ODAD3: variants seen among roughly 807,000 people sequenced by gnomAD.
ODAD3 encodes outer dynein arm-docking complex subunit 3.
A neutral mutation model predicts 70.9 loss-of-function variants in ODAD3; 57 were observed. The observed-to-expected ratio is 0.80, with a 90% confidence interval of 0.65 to 1.00. The LOEUF (loss-of-function observed/expected upper bound fraction) is 1.00. ODAD3 is among the 50% of genes least tolerant of loss of function. The probability of loss-of-function intolerance (pLI) is 0.00; values close to 1 mark genes in which losing one functional copy is unlikely to be tolerated. For missense variants in ODAD3, 797 were observed against 763.9 expected (o/e 1.04, Z -0.51); for synonymous variants, 327 against 315.9 (o/e 1.04, Z -0.37).
chr19:11,422,246 G>A lies in ODAD3; in HGVS notation c.1434+225C>T, dbSNP rs1312427716. 4.6e-5 allele frequency among the ~76,000 whole-genome samples: 7 copies of A among 151,884 alleles called. No individual in the cohort carries two copies. The highest frequency in any genetic ancestry group is 1.7e-4 in the African/African-American group (7 of 41,342). ...CTTGAGACGGGACAGGGTCTCTGACGTCTTGGGCTTCCTTGGGGAGTGAGA... is the reference window on the plus strand; with the variant it reads ...CTTGAGACGGGACAGGGTCTCTGACATCTTGGGCTTCCTTGGGGAGTGAGA... On this transcript the variant is annotated intron_variant, in intron 10 of 12. Transcript: ENST00000356392. This position sits in a 1 kb window ranked among gnomAD's most constrained non-coding sequence, Gnocchi z 4.6.
intron 8 of ODAD3, 36 bp downstream of exon 8, chr19:11,423,841 G>T (rs758783041): frequency 0.012 from 15,598 of 1,252,888 alleles, 110 homozygotes; most frequent in Non-Finnish European, 0.016. Context: ...GGGGTGGGGG[G>T]GGGGCGCGGC....
chr19:11,427,582 A>G (rs1969411998), intron 3 of ODAD3, among the ~76,000 whole-genome samples: 1 of 150,730 alleles, frequency 6.6e-6, no homozygotes, highest in Non-Finnish European at 1.5e-5. Flanking sequence ...CCTAGGTTCA[A>G]GCAATTCTCC....
intron 4 of ODAD3, 34 bp from the exon 5 acceptor site, chr19:11,426,818 C>T: frequency 6.2e-7 from 1 of 1,613,282 alleles, no homozygotes; most frequent in Non-Finnish European, 8.5e-7. Context: ...GAGGGCCCTC[C>T]GCACTCAATC....
intron 12 of ODAD3, 64 bp from the exon 13 acceptor site, chr19:11,421,011 C>T (rs1969118831): frequency 5.7e-6 from 9 of 1,583,988 alleles, no homozygotes; most frequent in South Asian, 1.1e-5. Context: ...CCTGGCTCCC[C>T]TTCCCTTTAC....
At chr19:11,433,110 A>G (rs1336304967) in intron 1 of ODAD3, among the ~76,000 whole-genome samples, 2 of 152,118 alleles carry the variant, frequency 1.3e-5, no homozygotes, top group Non-Finnish European at 2.9e-5. Flanking sequence ...ACCTCTTAAT[A>G]ATATCAACAA....
intron 1 of ODAD3, among the ~76,000 whole-genome samples, chr19:11,433,859 C>T (rs2144786259): frequency 6.6e-6 from 1 of 151,876 alleles, no homozygotes; most frequent in South Asian, 2.1e-4. Context: ...CCTAGGAGGT[C>T]AAGTCTGCAG....
intron 7 of ODAD3, among the ~76,000 whole-genome samples, chr19:11,425,849 G>A (rs948823625): frequency 6.6e-6 from 1 of 151,492 alleles, no homozygotes; most frequent in African/African-American, 2.4e-5. Flanking sequence ...GTCAGATTCA[G>A]GACAGGCAGT....
chr19:11,424,505 GTATATA>G (rs1568347989), intron 7 of ODAD3, among the ~76,000 whole-genome samples: 23 of 140,216 alleles, frequency 1.6e-4, no homozygotes, highest in African/African-American at 6.2e-4. Context: ...ATATATATAT[GTATATA>G]TGTATATATA....
At position 11,425,583 on chromosome 19, in the gene ODAD3, G is replaced by GCATA. The variant is rs1568350450; in HGVS notation, c.963+560_963+561insTATG. ...TATATGTGTGTATGTATGTATATAT[G>GCATA]TATGTATATGTGTATATATGTGTGT... On this transcript the variant is annotated intron_variant, in intron 7 of 12. Transcript: ENST00000356392. Among the ~76,000 whole-genome samples the GCATA allele has an allele frequency of 3.1e-5, 4 of 128,776 alleles. 1 individual carries two copies. Among genetic ancestry groups the GCATA allele is most frequent in the African/African-American group, 1.2e-4 (3 of 24,202 alleles). 84.5% of individuals were successfully genotyped at this position (128,776 alleles called of 152,430 possible).
At chr19:11,426,004 G>A (rs1364807811) in intron 7 of ODAD3, 140 bp downstream of exon 7, 5 of 1,174,960 alleles carry the variant, frequency 4.3e-6, no homozygotes, top group Non-Finnish European at 5.8e-6. Flanking sequence ...TTCGCACCAA[G>A]TGGGGGTGGA....
Position 11,425,483 on chromosome 19 carries a change from GTATATA to G in ODAD3, c.963+655_963+660del, listed in dbSNP as rs1204966560. ...TGTGTGTATATATGTATATATGTGT[GTATATA>G]TGTATATATGTATATATGTGTGTAT... is the stretch of plus-strand genomic sequence containing the variant. On this transcript the variant is annotated intron_variant, in intron 7 of 12. Transcript: ENST00000356392. Among the ~76,000 whole-genome samples the G allele has an allele frequency of 1.2e-4, 15 of 123,002 alleles. 1 individual carries two copies. Among genetic ancestry groups the G allele is most frequent in the South Asian group, 2.5e-4 (1 of 4,022 alleles). 80.7% of individuals were successfully genotyped at this position (123,002 alleles called of 152,430 possible).
chr19:11,427,299 C>CGT (rs1969402826), intron 3 of ODAD3, among the ~76,000 whole-genome samples: 1 of 150,580 alleles, frequency 6.6e-6, no homozygotes, highest in African/African-American at 2.4e-5. Context: ...TTCTTTCTTT[C>CGT]GTTTTTTTTT....
At chr19:11,427,132 C>T (rs1969398117) in intron 3 of ODAD3, 92 bp from the exon 4 acceptor site, 6 of 1,357,048 alleles carry the variant, frequency 4.4e-6, no homozygotes, top group Non-Finnish European at 4.9e-6. Context: ...CACACTGTGG[C>T]TTCCAGGACT....
chr19:11,431,907 C>T (rs553659918), intron 1 of ODAD3, among the ~76,000 whole-genome samples: 23 of 145,708 alleles, frequency 1.6e-4, no homozygotes, highest in African/African-American at 4.9e-4. Context: ...CGCACCACTG[C>T]ACTCCAGCCT....
chr19:11,422,415 C>T lies in ODAD3; in HGVS notation c.1434+56G>A. 1 of 1,469,236 alleles carries T rather than the reference C, an allele frequency of 6.8e-7. No homozygotes were observed. Among genetic ancestry groups the T allele is most frequent in the Non-Finnish European group, 9.0e-7 (1 of 1,106,460 alleles). 91.0% of individuals were successfully genotyped at this position (1,469,236 alleles called of 1,614,324 possible). On this transcript the variant is annotated intron_variant, in intron 10 of 12. Coordinates refer to ENST00000356392, the MANE Select transcript of ODAD3 (RefSeq NM_145045.5). This position sits in a 1 kb window ranked among gnomAD's most constrained non-coding sequence, Gnocchi z 4.6. ...GTGTGGCAGGAACCCCGCTTCGTGGCTGCGCCTCTGCGGTCCCAGGAGGGC... is the reference window on the plus strand; with the variant it reads ...GTGTGGCAGGAACCCCGCTTCGTGGTTGCGCCTCTGCGGTCCCAGGAGGGC...
chr19:11,422,870 C>T lies in ODAD3; in HGVS notation c.1117-9G>A. The T allele has an allele frequency of 6.2e-7, 1 of 1,600,506 alleles. No homozygotes were observed. The highest frequency in any genetic ancestry group is 2.2e-5 in the East Asian group (1 of 44,862). On this transcript the variant is annotated splice_polypyrimidine_tract_variant and intron_variant, in intron 8 of 12. Transcript: ENST00000356392. This position sits in a 1 kb window ranked among gnomAD's most constrained non-coding sequence, Gnocchi z 4.6. ...AACCGCCGCACCAACGACTGCGGGC[C>T]ACCCAGCCCCAGTCAGAGCCAGGGC...
rs1491550047 is a variant in ODAD3, at chr19:11,425,109, ATG to A, written c.963+1033_963+1034del. Among the ~76,000 whole-genome samples the A allele has an allele frequency of 6.7e-5, 9 of 134,948 alleles. 1 individual carries two copies. The highest frequency in any genetic ancestry group is 2.8e-4 in the Admixed American group (4 of 14,122). The allele number at this position is 134,948 out of a possible 152,430, so 88.5% of individuals were successfully genotyped here. Reference sequence around the variant, plus strand: ...TGTACATATGTGTATATATGTATATATGTGTATATGTACATATGTGTATATGT... The same window carrying A: ...TGTACATATGTGTATATATGTATATATGTATATGTACATATGTGTATATGT... On this transcript the variant is annotated intron_variant, in intron 7 of 12. Coordinates refer to ENST00000356392, the MANE Select transcript of ODAD3 (RefSeq NM_145045.5).
chr19:11,434,222 AAAAC>A (rs1969581725), intron 1 of ODAD3, among the ~76,000 whole-genome samples: 10 of 147,578 alleles, frequency 6.8e-5, no homozygotes, highest in African/African-American at 2.3e-4. Flanking sequence ...CAAAAAACAA[AAAAC>A]AAAACAAAAA....
At chr19:11,435,528 T>C, upstream of ODAD3, 2 of 484,256 alleles carry the variant, frequency 4.1e-6, no homozygotes, top group South Asian at 1.8e-5. Flanking sequence ...CCGTCTCGGC[T>C]CTGGCACCGC....
Sources: allele counts gnomAD v4.1 joint callset (sites outside exome capture counted in the v4.1 genomes callset), GRCh38; gene constraint gnomAD v4.1.1; non-coding constraint Gnocchi (gnomAD v3.1); transcripts MANE v1.5; gene names NCBI Gene and HGNC (gene_info 2026-07-23, HGNC 2026-07-21).